VWA3A: variants seen among roughly 807,000 people sequenced by gnomAD.
VWA3A encodes von Willebrand factor A domain-containing protein 3A.
A neutral mutation model predicts 160.4 loss-of-function variants in VWA3A; 134 were observed. That is an observed-to-expected ratio of 0.84 (90% CI 0.73 to 0.96). VWA3A has a LOEUF of 0.96. Among genes scored for constraint, VWA3A ranks in the 40% least tolerant of loss-of-function variants. The pLI is 0.00. For synonymous variants in VWA3A, 476 were observed against 543.4 expected (o/e 0.88, Z 1.72); for missense variants, 1,310 against 1,447.9 (o/e 0.90, Z 1.55).
chr16:22,155,733 G>T, intron 32 of VWA3A, 69 bp downstream of exon 32: 1 of 1,601,244 alleles, frequency 6.2e-7, no homozygotes, highest in Non-Finnish European at 8.6e-7. Context: ...GGACCCCATC[G>T]AGAAGGGCCG....
In VWA3A at chr16:22,113,734, G is replaced by A. The variant is rs192948601; in HGVS notation, c.690-1613G>A. Among the ~76,000 whole-genome samples, 151 of 152,038 alleles carry A rather than the reference G, an allele frequency of 9.9e-4. 1 individual carries two copies. The highest frequency in any genetic ancestry group is 9.2e-3 in the Admixed American group (140 of 15,272). On this transcript the variant is annotated intron_variant, in intron 8 of 33. Coordinates refer to ENST00000389398, the MANE Select transcript of VWA3A (RefSeq NM_173615.5). ...CAGCCTCAGCCTCCCCAGTAGCAGGGACTACAAGGGTGTGCCCAGCTGATT... is the reference window on the plus strand; with the variant it reads ...CAGCCTCAGCCTCCCCAGTAGCAGGAACTACAAGGGTGTGCCCAGCTGATT...
At chr16:22,107,717 G>A (rs1455677024) in intron 6 of VWA3A, among the ~76,000 whole-genome samples, 2 of 152,164 alleles carry the variant, frequency 1.3e-5, no homozygotes, top group Non-Finnish European at 2.9e-5. Context: ...CTGTGCACAT[G>A]GAAGCTCTTG....
At chr16:22,096,996 C>A in intron 2 of VWA3A, 51 bp downstream of exon 2, 1 of 1,203,800 alleles carries the variant, frequency 8.3e-7, no homozygotes, top group South Asian at 1.4e-5. Flanking sequence ...GGCAGATTCT[C>A]GCACTGTCTC....
In VWA3A at chr16:22,142,293, G is replaced by GT. The variant is rs572646088; in HGVS notation, c.2495-368dup. 5.9e-5 allele frequency among the ~76,000 whole-genome samples: 9 copies of GT among 152,204 alleles called. No homozygotes were observed. In the South Asian group the frequency reaches 6.2e-4, roughly 11 times the overall value. On this transcript the variant is annotated intron_variant, in intron 24 of 33. Transcript: ENST00000389398. The stretch of plus-strand genomic sequence containing the variant: ...GCTAGGTGATTTATGAAGAAAATAG[G>GT]TTTTTTTAGCTCAGGCTTATGCTGG...
intron 17 of VWA3A, among the ~76,000 whole-genome samples, chr16:22,130,123 C>A (rs1051774074): frequency 2.0e-5 from 3 of 152,104 alleles, no homozygotes; most frequent in Non-Finnish European, 4.4e-5. Context: ...GATTTATTAT[C>A]CAACGATAAT....
rs750743464 is a variant in VWA3A at position 22,152,516 on chromosome 16, C to T, written c.3287C>T (p.Ala1096Val). 13 of 1,611,838 alleles carry T rather than the reference C, an allele frequency of 8.1e-6. No homozygotes were observed. The highest frequency in any genetic ancestry group is 5.3e-5 in the African/African-American group (4 of 74,872). ...CCTCTGTCCCTTCCTTCCAGAGCGG[C>T]GGTTGAGTTCCTGAGAAAGCTGGCT... ...TISLNCSDRAAVEFLRKLASF... is the reference protein window; with the variant it reads ...TISLNCSDRAVVEFLRKLASF... The change falls in exon 31 of 34, where the codon GCG (alanine) becomes GTG (valine). Residue 1096 changes from alanine to valine, a missense_variant. Physicochemically the swap from Ala to Val is moderately conservative, Grantham distance 64. Transcript: ENST00000389398.
intron 29 of VWA3A, 128 bp from the exon 30 acceptor site, chr16:22,150,567 C>A: frequency 9.0e-7 from 1 of 1,115,750 alleles, no homozygotes; most frequent in Non-Finnish European, 1.2e-6. Flanking sequence ...TCTTTTTGAA[C>A]AGGTCAGTGG....
Position 22,109,766 on chromosome 16 carries a change from G to A in VWA3A, c.582+186G>A, listed in dbSNP as rs77177689. Among the ~76,000 whole-genome samples, 718 of 152,338 alleles carry A rather than the reference G, an allele frequency of 4.7e-3. 4 individuals carry two copies. The highest frequency in any genetic ancestry group is 7.6e-3 in the Non-Finnish European group (517 of 68,028). ...GAATTCTACAAAACCCAACCACAGA[G>A]TCATTTTCAGTTGTAGTGTGAACTT... On this transcript the variant is annotated intron_variant, in intron 7 of 33. Transcript: ENST00000389398.
rs890521072 is a variant in VWA3A at position 22,128,338 on chromosome 16, C to G, written c.1652+2041C>G. On this transcript the variant is annotated intron_variant, in intron 17 of 33. Coordinates refer to ENST00000389398, the MANE Select transcript of VWA3A (RefSeq NM_173615.5). The stretch of plus-strand genomic sequence containing the variant: ...GAGACCAGTTTGACTATTGCAATTG[C>G]CTGCCCTAGTGTTGAGTGGGCTTGA... Among the ~76,000 whole-genome samples the G allele has an allele frequency of 4.6e-5, 7 of 152,128 alleles. No homozygotes were observed. In the South Asian group the frequency reaches 1.5e-3, roughly 32 times the overall value.
chr16:22,131,755 C>T (rs752346593), intron 19 of VWA3A, 26 bp downstream of exon 19: 1 of 1,600,056 alleles, frequency 6.2e-7, no homozygotes, highest in Non-Finnish European at 8.5e-7. Context: ...CCTGGGTGTC[C>T]ATTATCCTTT....
Position 22,116,841 on chromosome 16 carries a change from T to C in VWA3A, c.898T>C (p.Tyr300His). The change falls in exon 10 of 34, where the codon TAC (tyrosine) becomes CAC (histidine). Residue 300 changes from tyrosine (Y) to histidine (H), a missense_variant. Tyr to His is a moderately conservative substitution (Grantham distance 83). Transcript: ENST00000389398. ...GRDLIIHFITYRCDDQMPPAV... is the reference protein window; with the variant it reads ...GRDLIIHFITHRCDDQMPPAV... ...AGACCTCATCATCCACTTCATCACC[T>C]ACAGATGCGATGATCAGATGCCCCC... is the stretch of plus-strand genomic sequence containing the variant. The C allele has an allele frequency of 6.2e-7, 1 of 1,613,234 alleles. No homozygotes were observed. Among genetic ancestry groups the C allele is most frequent in the Non-Finnish European group, 8.5e-7 (1 of 1,179,748 alleles).
chr16:22,096,658 T>C (rs1567523950), intron 1 of VWA3A, among the ~76,000 whole-genome samples: 1 of 151,996 alleles, frequency 6.6e-6, no homozygotes, highest in Non-Finnish European at 1.5e-5. Context: ...GGTGGGAGGA[T>C]TGCTTGAGCC....
intron 13 of VWA3A, 32 bp downstream of exon 13, chr16:22,121,135 A>T (rs746092719): frequency 2.5e-6 from 4 of 1,613,584 alleles, no homozygotes; most frequent in Admixed American, 1.7e-5. Context: ...AACCCAGGAA[A>T]CAGGTGACTG....
At chr16:22,136,698 G>A (rs1165715697) in intron 21 of VWA3A, among the ~76,000 whole-genome samples, 1 of 151,962 alleles carries the variant, frequency 6.6e-6, no homozygotes, top group African/African-American at 2.4e-5. Flanking sequence ...CTGCGTGCCT[G>A]TGCTGTCTTC....
intron 8 of VWA3A, among the ~76,000 whole-genome samples, chr16:22,113,723 C>G (rs916732683): frequency 6.6e-6 from 1 of 152,016 alleles, no homozygotes; most frequent in Non-Finnish European, 1.5e-5. Context: ...CTCAGCCTCC[C>G]CAGTAGCAGG....
In VWA3A at chr16:22,132,694, G is replaced by A. The variant is rs1598086128; in HGVS notation, c.1873-206G>A. The A allele has an allele frequency of 1.0e-5, 6 of 576,076 alleles. No homozygotes were observed. In the East Asian group the frequency reaches 1.7e-4, roughly 16 times the overall value. 35.7% of individuals were successfully genotyped at this position (576,076 alleles called of 1,614,324 possible). On this transcript the variant is annotated intron_variant, in intron 19 of 33. Coordinates refer to ENST00000389398, the MANE Select transcript of VWA3A (RefSeq NM_173615.5). ...GTCTAGAACATGCCTGGTATCAGGAGGCTCTCAGGTCCAGCTCCCCAACCA... is the reference window on the plus strand; with the variant it reads ...GTCTAGAACATGCCTGGTATCAGGAAGCTCTCAGGTCCAGCTCCCCAACCA...
In VWA3A at chr16:22,131,228, G is replaced by A; in HGVS notation, c.1676G>A (p.Trp559Ter). 2 of 1,613,998 alleles carry A rather than the reference G, an allele frequency of 1.2e-6. No individual in the cohort carries two copies. ...AGGTTTGGAAGCACAATTGAAAGCT[G>A]GAGGCCTGAGATGGTTCCCGTGAGT... ...LIAFGSTIESWRPEMVPVSHN... is the reference protein window; with the variant it reads ...LIAFGSTIES The change falls in exon 18 of 34, where the codon TGG becomes TAG. Residue 559 changes from tryptophan (W) to a stop codon, truncating the protein, a stop_gained. Coordinates refer to ENST00000389398, the MANE Select transcript of VWA3A (RefSeq NM_173615.5). LOFTEE classifies it high-confidence loss of function.
In VWA3A at chr16:22,132,974, G is replaced by T; in HGVS notation, c.1947G>T (p.Val649=). The T allele has an allele frequency of 1.2e-6, 2 of 1,613,946 alleles. No individual in the cohort carries two copies. Among genetic ancestry groups the T allele is most frequent in the Non-Finnish European group, 1.7e-6 (2 of 1,179,906 alleles). The change falls in exon 20 of 34, where the codon GTG becomes GTT. Residue 649 remains valine, a synonymous_variant. Coordinates refer to ENST00000389398, the MANE Select transcript of VWA3A (RefSeq NM_173615.5). The part of the protein sequence containing the change: ...DLQLNVCLFY[V]GEPKMDTTPP... The stretch of plus-strand genomic sequence containing the variant: ...AGCTGAACGTGTGTCTCTTCTACGT[G>T]GGCGAGCCAAAGATGGACACCACAC...
Position 22,121,080 on chromosome 16 carries a change from G to A in VWA3A, c.1229G>A (p.Trp410Ter), listed in dbSNP as rs759618634. 1.2e-6 allele frequency: 2 copies of A among 1,613,922 alleles called. No individual in the cohort carries two copies. Among genetic ancestry groups the A allele is most frequent in the South Asian group, 2.2e-5 (2 of 91,070 alleles). ...AACTTGGACAAGACTTCTGCAGAGT[G>A]GCTTAAGGTCAATGGTCTGAAAGGT... is the stretch of plus-strand genomic sequence containing the variant. ...FPNLDKTSAE[W>*]LKVNGLKAKK... Residue 410 changes from tryptophan (W) to a stop codon, truncating the protein, a stop_gained, in exon 13 of 34, where the codon TGG (tryptophan) becomes TAG (stop). Coordinates refer to ENST00000389398, the MANE Select transcript of VWA3A (RefSeq NM_173615.5). LOFTEE classifies it high-confidence loss of function.
Sources: allele counts gnomAD v4.1 joint callset (sites outside exome capture counted in the v4.1 genomes callset), GRCh38; gene constraint gnomAD v4.1.1; transcripts MANE v1.5; gene names NCBI Gene and HGNC (gene_info 2026-07-23, HGNC 2026-07-21).